Variants in QTGAL observed in about 807,000 individuals in gnomAD.
The protein encoded by QTGAL is BGnT-like protein 1.
the QTGAL span, among the ~76,000 whole-genome samples, chr17:82,946,711 C>T: frequency 6.6e-6 from 1 of 151,938 alleles, no homozygotes; most frequent in Non-Finnish European, 1.5e-5. Context: ...GGTGCTTAAG[C>T]GATTCTGAAG....
At chr17:83,016,587 G>A in the QTGAL span, among the ~76,000 whole-genome samples, 10,715 of 97,908 alleles carry the variant, frequency 0.11, 822 homozygotes, top group African/African-American at 0.27. Context: ...AGTGGAGGAG[G>A]GAGAAGGGGA....
the QTGAL span, among the ~76,000 whole-genome samples, chr17:83,012,014 G>A: frequency 9.2e-6 from 1 of 108,698 alleles, no homozygotes; most frequent in Middle Eastern, 4.7e-3. Context: ...AAGTCTCCCA[G>A]CTCGTTTGAA....
chr17:82,986,497 G>A, the QTGAL span, among the ~76,000 whole-genome samples: 104 of 152,358 alleles, frequency 6.8e-4, no homozygotes, highest in East Asian at 0.019. Context: ...GCCATCAATG[G>A]AATATTCATC....
At chr17:82,957,082 C>G in the QTGAL span, 1 of 1,517,012 alleles carries the variant, frequency 6.6e-7, no homozygotes, top group African/African-American at 1.4e-5. Context: ...CCAGCACGGC[C>G]CAGGTGGACT....
the QTGAL span, among the ~76,000 whole-genome samples, chr17:83,010,874 G>A: frequency 6.6e-6 from 1 of 152,134 alleles, no homozygotes; most frequent in Non-Finnish European, 1.5e-5. Context: ...GAACCCTCCC[G>A]TCTTTGTTCC....
the QTGAL span, among the ~76,000 whole-genome samples, chr17:83,024,680 G>C: frequency 6.6e-6 from 1 of 152,256 alleles, no homozygotes; most frequent in Non-Finnish European, 1.5e-5. Flanking sequence ...CTGAGACTGC[G>C]GAAGCTGCGG....
the QTGAL span, among the ~76,000 whole-genome samples, chr17:82,984,222 G>A: frequency 9.5e-6 from 1 of 105,052 alleles, no homozygotes; most frequent in South Asian, 2.9e-4. Context: ...AGGACGTGGG[G>A]GAGGGGAGAG....
the QTGAL span, among the ~76,000 whole-genome samples, chr17:82,967,148 G>T: frequency 5.9e-5 from 9 of 152,190 alleles, no homozygotes; most frequent in African/African-American, 2.2e-4. Flanking sequence ...CAAAGACCTT[G>T]TTTCCAAACA....
chr17:82,987,538 C>A, the QTGAL span, among the ~76,000 whole-genome samples: 1 of 152,172 alleles, frequency 6.6e-6, no homozygotes, highest in African/African-American at 2.4e-5. Flanking sequence ...TGTTGGACAA[C>A]CTAAGTCTTT....
At chr17:82,994,466 C>G in the QTGAL span, among the ~76,000 whole-genome samples, 1 of 151,898 alleles carries the variant, frequency 6.6e-6, no homozygotes, top group African/African-American at 2.4e-5. Flanking sequence ...ATCAAAATTC[C>G]TAGACACATA....
chr17:82,995,604 C>T, the QTGAL span, among the ~76,000 whole-genome samples: 2 of 152,048 alleles, frequency 1.3e-5, no homozygotes, highest in Non-Finnish European at 2.9e-5. Flanking sequence ...GGATGGGTCT[C>T]GATCTCCTGA....
chr17:83,051,147 TGGGGCAGGTGTGCGGGGGC>T, the QTGAL span, among the ~76,000 whole-genome samples: 4 of 10,060 alleles, frequency 4.0e-4, no homozygotes, highest in African/African-American at 1.3e-3. Context: ...GTGTGGGGTG[TGGGGCAGGTGTGCGGGGGC>T]GGGGCAGGTG....
the QTGAL span, among the ~76,000 whole-genome samples, chr17:83,026,205 G>A: frequency 7.2e-5 from 11 of 152,328 alleles, no homozygotes; most frequent in Non-Finnish European, 1.0e-4. Flanking sequence ...TCTAAGTGCT[G>A]GAGAACCAGC....
chr17:82,969,590 G>A, the QTGAL span, among the ~76,000 whole-genome samples: 2 of 152,182 alleles, frequency 1.3e-5, no homozygotes, highest in East Asian at 1.9e-4. Context: ...TTCGAGCCTC[G>A]CCTGAGGCCA....
the QTGAL span, among the ~76,000 whole-genome samples, chr17:83,002,241 G>A: frequency 6.6e-6 from 1 of 152,104 alleles, no homozygotes; most frequent in Non-Finnish European, 1.5e-5. Flanking sequence ...CCCCCACGGG[G>A]CAGCTCAGCC....
At chr17:83,005,943 A>T in the QTGAL span, 1 of 1,221,990 alleles carries the variant, frequency 8.2e-7, no homozygotes, top group Non-Finnish European at 1.0e-6. This position sits in a 1 kb window ranked among gnomAD's most constrained non-coding sequence, Gnocchi z 5.6. Flanking sequence ...CCTGAGATCC[A>T]GAGGTAGGAG....
the QTGAL span, among the ~76,000 whole-genome samples, chr17:82,963,607 T>G: frequency 6.6e-6 from 1 of 151,820 alleles, no homozygotes; most frequent in South Asian, 2.1e-4. Flanking sequence ...CAGGGTGGGA[T>G]ATGCGGGGAG....
chr17:82,999,443 G>T, the QTGAL span, among the ~76,000 whole-genome samples: 1 of 152,192 alleles, frequency 6.6e-6, no homozygotes, highest in Non-Finnish European at 1.5e-5. Context: ...GTGGGGGTTA[G>T]GGGTGCTGAC....
the QTGAL span, among the ~76,000 whole-genome samples, chr17:82,972,816 C>T: frequency 1.4e-5 from 2 of 141,978 alleles, no homozygotes; most frequent in South Asian, 2.2e-4. Flanking sequence ...CAGCACACCA[C>T]AGGGGCTAGA....
Sources: gnomAD v4.1 joint callset for allele counts (sites outside exome capture counted in the v4.1 genomes callset) on GRCh38, gnomAD v4.1.1 for gene constraint, Gnocchi (gnomAD v3.1) non-coding constraint, MANE v1.5 for transcripts, NCBI Gene and HGNC (gene_info 2026-07-23, HGNC 2026-07-21) for gene names.